The following BAZ1A variants were observed in gnomAD, a reference collection of about 807,000 sequenced individuals.
BAZ1A encodes the protein bromodomain adjacent to zinc finger domain 1A, also known as bromodomain adjacent to zinc finger domain protein 1A.
In BAZ1A, 50 loss-of-function variants were observed where a neutral mutation model predicts 185.2. That is an observed-to-expected ratio of 0.27 (90% CI 0.22 to 0.34). The LOEUF (loss-of-function observed/expected upper bound fraction) is 0.34. BAZ1A is among the 10% of genes least tolerant of loss of function. The pLI, the probability that BAZ1A is intolerant of heterozygous loss-of-function variation, is 1.00. For missense variants in BAZ1A, 1,356 were observed against 1,839.9 expected (o/e 0.74, Z 4.81); for synonymous variants, 571 against 615.6 (o/e 0.93, Z 1.07).
intron 12 of BAZ1A, among the ~76,000 whole-genome samples, chr14:34,788,651 CA>C (rs373950780): frequency 0.027 from 3,986 of 149,272 alleles, 73 homozygotes; most frequent in South Asian, 0.039. Flanking sequence ...CAAATTCTTC[CA>C]AAAAAAAAAA....
intron 9 of BAZ1A, among the ~76,000 whole-genome samples, chr14:34,796,191 CAT>C (rs1464672893): frequency 6.6e-6 from 1 of 151,190 alleles, no homozygotes; most frequent in African/African-American, 2.4e-5. Flanking sequence ...CACACACACA[CAT>C]ATATGCATGC....
chr14:34,843,186 G>C (rs1377458314), intron 3 of BAZ1A, among the ~76,000 whole-genome samples: 1 of 151,924 alleles, frequency 6.6e-6, no homozygotes, highest in Non-Finnish European at 1.5e-5. Flanking sequence ...ATATAAGGAG[G>C]ATCTAAAATT....
intron 14 of BAZ1A, among the ~76,000 whole-genome samples, chr14:34,784,663 G>A (rs1415537049): frequency 6.6e-5 from 10 of 151,034 alleles, no homozygotes; most frequent in Non-Finnish European, 1.3e-4. Context: ...GACTACAGGC[G>A]CCCGCCACCA....
intron 3 of BAZ1A, among the ~76,000 whole-genome samples, chr14:34,832,201 C>CATATATATATATAT (rs2042253962): frequency 1.3e-5 from 1 of 77,984 alleles, no homozygotes; most frequent in Non-Finnish European, 2.8e-5. Flanking sequence ...TACACACACA[C>CATATATATATATAT]ACACACACAC....
Position 34,862,341 on chromosome 14 carries a change from C to A in BAZ1A, c.114-19G>T. 6.3e-7 allele frequency: 1 copy of A among 1,581,204 alleles called. No homozygotes were observed. Among genetic ancestry groups the A allele is most frequent in the Admixed American group, 1.9e-5 (1 of 52,514 alleles). ...AAAGTCACTGATTAAAAAACAAAAA[C>A]AAAAACAAAAGCCCATTACCTATCA... On this transcript the variant is annotated intron_variant, in intron 2 of 26. Coordinates refer to ENST00000360310, the MANE Select transcript of BAZ1A (RefSeq NM_013448.3).
At chr14:34,784,010 G>A (rs1274819367) in intron 14 of BAZ1A, 83 bp from the exon 15 acceptor site, 10 of 1,231,410 alleles carry the variant, frequency 8.1e-6, no homozygotes, top group South Asian at 1.6e-5. Context: ...GTGGCTCAAT[G>A]TGAAAATGCC....
intron 12 of BAZ1A, among the ~76,000 whole-genome samples, chr14:34,791,144 G>A (rs200785906): frequency 1.1e-5 from 1 of 92,352 alleles, no homozygotes. Context: ...GAAAAGAGAA[G>A]AGAAAAGAGA....
At chr14:34,773,866 G>T (rs1879405067) in intron 19 of BAZ1A, 140 bp from the exon 20 acceptor site, 1 of 885,710 alleles carries the variant, frequency 1.1e-6, no homozygotes, top group East Asian at 2.7e-5. Context: ...TAAAAATAAG[G>T]TTACTAAGTG....
chr14:34,828,281 G>A (rs1253604465), intron 3 of BAZ1A, among the ~76,000 whole-genome samples: 2 of 96,018 alleles, frequency 2.1e-5, no homozygotes, highest in Admixed American at 1.6e-4. Flanking sequence ...CAACAAGAGC[G>A]AAACTCCGTC....
At chr14:34,801,469 T>C (rs1413929241) in intron 7 of BAZ1A, among the ~76,000 whole-genome samples, 2 of 151,610 alleles carry the variant, frequency 1.3e-5, no homozygotes, top group African/African-American at 4.8e-5. Context: ...TTTTTTTTTG[T>C]ATTTTTAGTA....
intron 2 of BAZ1A, among the ~76,000 whole-genome samples, chr14:34,871,561 G>A (rs909708064): frequency 2.0e-5 from 3 of 152,318 alleles, no homozygotes; most frequent in Admixed American, 6.5e-5. Flanking sequence ...AAGAGTTCAG[G>A]TTCTTGGAGA....
intron 4 of BAZ1A, among the ~76,000 whole-genome samples, chr14:34,812,917 G>T (rs1191909362): frequency 6.6e-6 from 1 of 151,944 alleles, no homozygotes; most frequent in Non-Finnish European, 1.5e-5. Context: ...ACATAAAGCA[G>T]TAGATGTATT....
chr14:34,787,620 T>A (rs981803965), intron 12 of BAZ1A, among the ~76,000 whole-genome samples: 2 of 150,458 alleles, frequency 1.3e-5, no homozygotes, highest in African/African-American at 4.9e-5. Flanking sequence ...GAGGCACAGG[T>A]TTCAGTGAGC....
In BAZ1A at chr14:34,776,097, T is replaced by C; in HGVS notation, c.2655A>G (p.Pro885=). The C allele has an allele frequency of 6.2e-7, 1 of 1,614,192 alleles. No homozygotes were observed. The highest frequency in any genetic ancestry group is 1.1e-5 in the South Asian group (1 of 91,086). The stretch of plus-strand genomic sequence containing the variant: ...AGCACCACCGATTTGGCTTATGCAC[T>C]GGTTTTGGCAGCTGCACAGAATGGT... ...PRDHSVQLPK[P]VHKPNRWCFY... The change falls in exon 18 of 27, where the codon CCA becomes CCG. Residue 885 remains proline (P), a synonymous_variant. Transcript: ENST00000360310.
chr14:34,822,882 G>C (rs1397443583), intron 4 of BAZ1A, among the ~76,000 whole-genome samples: 1 of 152,106 alleles, frequency 6.6e-6, no homozygotes, highest in Non-Finnish European at 1.5e-5. Context: ...TTGAATTAAT[G>C]TGCTTTGTAT....
rs1881321858 is a variant in BAZ1A at position 34,798,367 on chromosome 14, TCTC to T, written c.1128+1854_1128+1856del. ...TTGAACTCTGAGAACAGAGAGACTG[TCTC>T]CTCAAGTGGGTCCCTGACCCCTGTG... On this transcript the variant is annotated intron_variant, in intron 9 of 26. Coordinates refer to ENST00000360310, the MANE Select transcript of BAZ1A (RefSeq NM_013448.3). 4.6e-5 allele frequency among the ~76,000 whole-genome samples: 7 copies of T among 152,292 alleles called. 1 individual carries two copies. In the South Asian group the frequency reaches 1.4e-3, roughly 32 times the overall value.
chr14:34,773,503 CAAA>C (rs10713079), intron 20 of BAZ1A, 66 bp downstream of exon 20: 1,824 of 1,144,334 alleles, frequency 1.6e-3, no homozygotes, highest in East Asian at 3.2e-3. Flanking sequence ...ACTTAAAAAC[CAAA>C]AAAAAAAAAA....
intron 3 of BAZ1A, 91 bp from the exon 4 acceptor site, chr14:34,826,247 T>A: frequency 2.2e-6 from 3 of 1,393,402 alleles, no homozygotes; most frequent in Non-Finnish European, 2.9e-6. Flanking sequence ...GAACTAGTTA[T>A]TTTGTTTTGC....
At chr14:34,776,939 CCA>C (rs1385055336) in intron 17 of BAZ1A, among the ~76,000 whole-genome samples, 7 of 152,280 alleles carry the variant, frequency 4.6e-5, no homozygotes, top group African/African-American at 4.8e-5. Flanking sequence ...TTAACCCACC[CCA>C]GTCTGTGGTA....
Sources: gnomAD v4.1 joint callset for allele counts (sites outside exome capture counted in the v4.1 genomes callset) on GRCh38, gnomAD v4.1.1 for gene constraint, MANE v1.5 for transcripts, NCBI Gene and HGNC (gene_info 2026-07-23, HGNC 2026-07-21) for gene names.